The following POF1B variants were observed in gnomAD, a reference collection of about 807,000 sequenced individuals.
POF1B encodes POF1B actin binding protein.
In POF1B, 53 loss-of-function variants were observed where a neutral mutation model predicts 55.3. The observed-to-expected ratio is 0.96, with a 90% confidence interval of 0.77 to 1.20. POF1B has a LOEUF of 1.20. Ranked by LOEUF, POF1B falls within the 50% of genes most tolerant of loss-of-function variation. The pLI is 0.00. For missense variants in POF1B, 478 were observed against 420.5 expected (o/e 1.14, Z -1.20); for synonymous variants, 188 against 148.3 (o/e 1.27, Z -1.95).
intron 6 of POF1B, among the ~76,000 whole-genome samples, chrX:85,345,311 A>G (rs930371032): frequency 6.3e-5 from 7 of 111,405 alleles, no homozygotes; most frequent in Non-Finnish European, 1.1e-4. Context: ...ATTACATGAG[A>G]TTTCTCCTTA....
rs1932559748 is a variant in POF1B, at chrX:85,305,826, T to G, written c.1402A>C (p.Arg468=). 1.7e-6 allele frequency: 2 copies of G among 1,209,734 alleles called. No individual in the cohort carries two copies. Among genetic ancestry groups the G allele is most frequent in the Non-Finnish European group, 2.2e-6 (2 of 894,150 alleles). Residue 468 remains arginine, a synonymous_variant, in exon 13 of 17, where the codon AGA becomes CGA. Coordinates refer to ENST00000262753, the MANE Select transcript of POF1B (RefSeq NM_024921.4). ...NHYTEMVKNL[R]MEKDREICRL... ...CAGATCTCTCTATCTTTCTCCATTC[T>G]CAAGTTTTTTACCATCTCCGTGTAG...
intron 2 of POF1B, among the ~76,000 whole-genome samples, chrX:85,368,361 C>A (rs1011497710): frequency 1.8e-5 from 2 of 110,949 alleles, no homozygotes; most frequent in African/African-American, 6.5e-5. Flanking sequence ...ATGCCTGTAT[C>A]AGAACATCTT....
chrX:85,349,005 A>C (rs1258328878), intron 5 of POF1B, among the ~76,000 whole-genome samples: 1 of 111,372 alleles, frequency 9.0e-6, no homozygotes, highest in East Asian at 2.9e-4. Context: ...TATAAAGGAA[A>C]ACACTCCTTG....
intron 6 of POF1B, among the ~76,000 whole-genome samples, chrX:85,333,526 C>T (rs1933014107): frequency 9.0e-6 from 1 of 110,979 alleles, no homozygotes; most frequent in Admixed American, 9.7e-5. Context: ...ATTAGAAATG[C>T]CCCCAAGTGC....
chrX:85,287,052 T>G (rs1426421359), intron 15 of POF1B, among the ~76,000 whole-genome samples: 2 of 111,520 alleles, frequency 1.8e-5, no homozygotes, highest in Non-Finnish European at 3.8e-5. Context: ...TTGAACTGAA[T>G]GCAAATGAAA....
chrX:85,357,169 C>G (rs990380431), intron 4 of POF1B, among the ~76,000 whole-genome samples: 2 of 111,316 alleles, frequency 1.8e-5, no homozygotes, highest in Non-Finnish European at 3.8e-5. Context: ...AAAAATCCCT[C>G]TTTTCTGCTC....
chrX:85,351,908 AT>A (rs112344026), intron 4 of POF1B, among the ~76,000 whole-genome samples: 10,996 of 108,265 alleles, frequency 0.1, 1,308 homozygotes, highest in African/African-American at 0.34. Flanking sequence ...TATATTAAAG[AT>A]TTTTTTTTTC....
chrX:85,292,783 A>G (rs182673177), intron 15 of POF1B, among the ~76,000 whole-genome samples: 247 of 111,067 alleles, frequency 2.2e-3, no homozygotes, highest in African/African-American at 7.7e-3. Context: ...TGCATCTGAC[A>G]AAGGTCTAAT....
At position 85,379,415 on chromosome X, in the gene POF1B, A is replaced by C. The variant is rs1933975885; in HGVS notation, c.40T>G (p.Cys14Gly). Residue 14 changes from cysteine (C) to glycine (G), a missense_variant, in exon 2 of 17, where the codon TGT becomes GGT. Transcript: ENST00000262753. ...SYWSETSSSS[C>G]GTQQLPEVLQ... The stretch of plus-strand genomic sequence containing the variant: ...ACCTCTGGGAGCTGCTGGGTTCCAC[A>C]GCTGCTGCTGCTCGTCTCACTCCAA... 1 of 1,209,633 alleles carries C rather than the reference A, an allele frequency of 8.3e-7. No homozygotes were observed. The highest frequency in any genetic ancestry group is 1.1e-6 in the Non-Finnish European group (1 of 894,995).
intron 2 of POF1B, among the ~76,000 whole-genome samples, chrX:85,373,511 T>C (rs1048528668): frequency 2.7e-5 from 3 of 111,905 alleles, no homozygotes; most frequent in African/African-American, 9.7e-5. Context: ...TGTATTAATA[T>C]GAAATATTAT....
intron 9 of POF1B, 63 bp from the exon 10 acceptor site, chrX:85,308,279 A>T: frequency 1.2e-6 from 1 of 819,006 alleles, no homozygotes; most frequent in Non-Finnish European, 1.7e-6. Context: ...AATATAAGTG[A>T]AAGTTTTTTT....
At position 85,278,638 on chromosome X, in the gene POF1B, A is replaced by G. The variant is rs1931828842; in HGVS notation, c.*783T>C. 1 of 111,181 alleles carries G rather than the reference A, an allele frequency of 9.0e-6. No individual in the cohort carries two copies. Among genetic ancestry groups the G allele is most frequent in the Non-Finnish European group, 1.9e-5 (1 of 52,559 alleles). The allele number at this position is 111,181 out of a possible 1,213,427, so 9.2% of individuals were successfully genotyped here. On this transcript the variant is annotated 3_prime_UTR_variant, in exon 17 of 17. Coordinates refer to ENST00000262753, the MANE Select transcript of POF1B (RefSeq NM_024921.4). ...GATATGTTTGCATACCACTATGAAA[A>G]AACTTACCTTCCTTACACCTACTAC...
At chrX:85,356,460 A>G (rs1006067514) in intron 4 of POF1B, among the ~76,000 whole-genome samples, 7 of 110,282 alleles carry the variant, frequency 6.3e-5, no homozygotes, top group Non-Finnish European at 1.3e-4. Flanking sequence ...GTATAATAAA[A>G]AAAGAAAAAA....
At chrX:85,290,701 C>T in intron 15 of POF1B, among the ~76,000 whole-genome samples, 1 of 111,990 alleles carries the variant, frequency 8.9e-6, no homozygotes, top group Middle Eastern at 4.7e-3. Flanking sequence ...TCTCTGATCA[C>T]TAGTGATGAT....
At chrX:85,320,401 A>G (rs1429205433) in intron 7 of POF1B, among the ~76,000 whole-genome samples, 1 of 111,239 alleles carries the variant, frequency 9.0e-6, no homozygotes, top group Non-Finnish European at 1.9e-5. Context: ...AACGAGAACA[A>G]AGACACAACA....
intron 4 of POF1B, among the ~76,000 whole-genome samples, chrX:85,356,001 C>T (rs1291884248): frequency 1.8e-5 from 2 of 111,489 alleles, no homozygotes; most frequent in African/African-American, 6.5e-5. Context: ...TATAAAGACA[C>T]ATGCACACAT....
chrX:85,321,810 G>A (rs1932841060), intron 7 of POF1B, among the ~76,000 whole-genome samples: 2 of 106,277 alleles, frequency 1.9e-5, no homozygotes, highest in Non-Finnish European at 3.8e-5. Context: ...CAGACAAACA[G>A]AGAGCCAAAT....
chrX:85,302,383 A>G (rs901263184), intron 15 of POF1B, among the ~76,000 whole-genome samples: 5 of 111,693 alleles, frequency 4.5e-5, no homozygotes, highest in African/African-American at 9.7e-5. Flanking sequence ...CAAAACTCCA[A>G]TTGGATACCA....
chrX:85,288,890 G>T (rs1245011335), intron 15 of POF1B, among the ~76,000 whole-genome samples: 1 of 111,822 alleles, frequency 8.9e-6, no homozygotes, highest in African/African-American at 3.3e-5. Flanking sequence ...TCAGCAGCGT[G>T]AAAACAAACT....
Sources: allele counts gnomAD v4.1 joint callset (sites outside exome capture counted in the v4.1 genomes callset), GRCh38; gene constraint gnomAD v4.1.1; transcripts MANE v1.5; gene names NCBI Gene and HGNC (gene_info 2026-07-23, HGNC 2026-07-21).